The following CFAP47 variants were observed in gnomAD, a reference collection of about 807,000 sequenced individuals.
CFAP47 encodes the protein cilia- and flagella-associated protein 47.
CFAP47 carries 29 observed loss-of-function variants against 148.1 expected under a neutral mutation model. The ratio of observed to expected loss-of-function variants is 0.20; its 90% CI spans 0.15 to 0.27. The LOEUF (loss-of-function observed/expected upper bound fraction) is 0.27. Among genes scored for constraint, CFAP47 ranks in the 10% least tolerant of loss-of-function variants. CFAP47 has a pLI of 1.00. For synonymous variants in CFAP47, 664 were observed against 577.3 expected (o/e 1.15, Z -2.15); for missense variants, 1,872 against 1,697.5 (o/e 1.10, Z -1.81).
intron 15 of CFAP47, 67 bp from the exon 16 acceptor site, chrX:35,989,252 A>G: frequency 1.2e-6 from 1 of 828,123 alleles, no homozygotes; most frequent in Non-Finnish European, 1.7e-6. Flanking sequence ...CTTATTTTGG[A>G]TATTAACAAA....
chrX:35,963,008 G>A (rs1936354757), intron 8 of CFAP47, among the ~76,000 whole-genome samples: 1 of 103,494 alleles, frequency 9.7e-6, no homozygotes, highest in African/African-American at 3.5e-5. Context: ...AAAAAAATAA[G>A]GAAATCTTGT....
chrX:36,104,543 GC>G lies in CFAP47; in HGVS notation c.5178del (p.Ile1727TyrfsTer30). On this transcript the variant is annotated frameshift_variant, in exon 33 of 64. Coordinates refer to ENST00000378653, the MANE Select transcript of CFAP47 (RefSeq NM_001304548.2). LOFTEE classifies it high-confidence loss of function. Reference sequence around the variant, plus strand: ...TAGTGCCATACTGCAGCAATAATATGCCCCCCATATGTGTGCAAAATACACC... The same window carrying G: ...TAGTGCCATACTGCAGCAATAATATGCCCCCATATGTGTGCAAAATACACC... ...RVVPYCSNNMPPICVQNTPKV... is the reference protein window; with the variant it reads ...RVVPYCSNNMXPICVQNTPKV... 5 of 979,448 alleles carry G rather than the reference GC, an allele frequency of 5.1e-6. No individual in the cohort carries two copies. The highest frequency in any genetic ancestry group is 5.6e-6 in the Non-Finnish European group (4 of 716,431). 80.7% of individuals were successfully genotyped at this position (979,448 alleles called of 1,213,427 possible). A position where few individuals can be genotyped will look rare whatever the true frequency, so the allele number is the denominator to read the frequency against.
At chrX:35,945,848 T>G (rs959426799) in intron 3 of CFAP47, among the ~76,000 whole-genome samples, 3 of 108,519 alleles carry the variant, frequency 2.8e-5, no homozygotes, top group African/African-American at 1.0e-4. Flanking sequence ...TTTAACATTC[T>G]TTTTTCTTCT....
rs782630123 is a variant in CFAP47 at position 36,376,959 on chromosome X, C to T, written c.9186-2391C>T. ...TCCCTACAAAGGACATGAACTCATC[C>T]TTTTTATGGCTGCATAGTATTCCAT... On this transcript the variant is annotated intron_variant, in intron 62 of 63. Transcript: ENST00000378653. Among the ~76,000 whole-genome samples the T allele has an allele frequency of 2.0e-4, 22 of 110,609 alleles. No individual in the cohort carries two copies. In the South Asian group the frequency reaches 8.6e-3, roughly 43 times the overall value.
chrX:36,319,764 G>T (rs1455719214), intron 57 of CFAP47, among the ~76,000 whole-genome samples: 3 of 110,756 alleles, frequency 2.7e-5, no homozygotes, highest in Non-Finnish European at 3.8e-5. Flanking sequence ...TTTATTACAG[G>T]GTATAAATTT....
chrX:36,165,269 T>C (rs1939476778), intron 39 of CFAP47, among the ~76,000 whole-genome samples: 1 of 112,264 alleles, frequency 8.9e-6, no homozygotes, highest in African/African-American at 3.2e-5. Context: ...GTTTGCTATA[T>C]TGTATGTCTT....
At chrX:36,032,183 A>G (rs1388415926) in intron 23 of CFAP47, among the ~76,000 whole-genome samples, 1 of 110,887 alleles carries the variant, frequency 9.0e-6, no homozygotes, top group Non-Finnish European at 1.9e-5. Flanking sequence ...TAAAAACAAT[A>G]CCTTCATAAA....
At chrX:35,924,331 G>A (rs746518180) in intron 1 of CFAP47, among the ~76,000 whole-genome samples, 1 of 103,093 alleles carries the variant, frequency 9.7e-6, no homozygotes, top group Non-Finnish European at 1.9e-5. Flanking sequence ...ATGTGTATAT[G>A]TGTACATATA....
At chrX:36,072,745 C>T (rs1937778604) in intron 28 of CFAP47, among the ~76,000 whole-genome samples, 1 of 111,353 alleles carries the variant, frequency 9.0e-6, no homozygotes, top group Non-Finnish European at 1.9e-5. Context: ...CATTTGGGAT[C>T]TAAACCAATA....
intron 53 of CFAP47, among the ~76,000 whole-genome samples, chrX:36,301,515 G>T (rs1468189327): frequency 9.1e-6 from 1 of 110,134 alleles, no homozygotes; most frequent in Non-Finnish European, 1.9e-5. Context: ...TAAAGTAAAG[G>T]AAGGTCAAGC....
intron 25 of CFAP47, among the ~76,000 whole-genome samples, chrX:36,044,633 C>CT (rs1269483665): frequency 8.9e-6 from 1 of 112,092 alleles, no homozygotes; most frequent in African/African-American, 3.2e-5. Context: ...TTCCTCATCT[C>CT]TATCTGAGAC....
rs187764736 is a variant in CFAP47, at chrX:36,260,176, C to T, written c.7444+8732C>T. Among the ~76,000 whole-genome samples, 468 of 111,175 alleles carry T rather than the reference C, an allele frequency of 4.2e-3. 2 individuals carry two copies. Among genetic ancestry groups the T allele is most frequent in the Non-Finnish European group, 6.9e-3 (368 of 53,023 alleles). ...TCCATGTCTTTGTTATTGTGAATAG[C>T]CCTGTGATAAACAATATGAGCACAT... On this transcript the variant is annotated intron_variant, in intron 49 of 63. Transcript: ENST00000378653.
intron 46 of CFAP47, among the ~76,000 whole-genome samples, chrX:36,232,030 G>A (rs1940369839): frequency 9.0e-6 from 1 of 111,116 alleles, no homozygotes; most frequent in Non-Finnish European, 1.9e-5. Context: ...TTTTATTGAG[G>A]ATTTTTGCAT....
intron 39 of CFAP47, among the ~76,000 whole-genome samples, chrX:36,171,781 G>A (rs1001772872): frequency 1.3e-4 from 14 of 111,518 alleles, no homozygotes; most frequent in African/African-American, 4.6e-4. Flanking sequence ...GGCGATGCGG[G>A]CTATTTTTTG....
intron 39 of CFAP47, among the ~76,000 whole-genome samples, chrX:36,176,033 G>A (rs1283463374): frequency 2.7e-5 from 3 of 109,847 alleles, no homozygotes; most frequent in African/African-American, 6.6e-5. Context: ...TCGGAAAAGC[G>A]CAGTATTCAG....
intron 63 of CFAP47, among the ~76,000 whole-genome samples, chrX:36,384,258 T>A (rs2147011204): frequency 9.0e-6 from 1 of 111,280 alleles, no homozygotes; most frequent in African/African-American, 3.3e-5. Context: ...CAAGAATTGC[T>A]TGAACCCGGG....
chrX:36,317,617 AC>A (rs1472802344), intron 56 of CFAP47, among the ~76,000 whole-genome samples: 1 of 100,967 alleles, frequency 9.9e-6, no homozygotes, highest in Non-Finnish European at 2.0e-5. Context: ...ACGGGGTTTC[AC>A]CGTGTTAGCC....
At chrX:36,069,042 T>G (rs1937697250) in intron 27 of CFAP47, among the ~76,000 whole-genome samples, 1 of 110,767 alleles carries the variant, frequency 9.0e-6, no homozygotes, top group South Asian at 3.9e-4. Context: ...GGGGAGGATT[T>G]CAGATTATAC....
rs189237653 is a variant in CFAP47 at position 36,189,996 on chromosome X, A to C, written c.6176-55A>C. ...TTTGATACCAAAACTTTAATCACTA[A>C]ATGAACAGCACTTACAAAATTATAT... On this transcript the variant is annotated intron_variant, in intron 41 of 63. Coordinates refer to ENST00000378653, the MANE Select transcript of CFAP47 (RefSeq NM_001304548.2). 4 of 293,822 alleles carry C rather than the reference A, an allele frequency of 1.4e-5. No individual in the cohort carries two copies. The Admixed American group carries it at 2.5e-4, about 18-fold the overall frequency. The allele number at this position is 293,822 out of a possible 1,213,427, so 24.2% of individuals were successfully genotyped here.
Sources: allele counts gnomAD v4.1 joint callset (sites outside exome capture counted in the v4.1 genomes callset), GRCh38; gene constraint gnomAD v4.1.1; transcripts MANE v1.5; gene names NCBI Gene and HGNC (gene_info 2026-07-23, HGNC 2026-07-21).